KNDC1: variants seen among roughly 807,000 people sequenced by gnomAD.
The protein encoded by KNDC1 is kinase non-catalytic C-lobe domain containing 1.
A neutral mutation model predicts 172.8 loss-of-function variants in KNDC1; 106 were observed. The observed-to-expected ratio is 0.61, with a 90% confidence interval of 0.52 to 0.72. The LOEUF (loss-of-function observed/expected upper bound fraction) is 0.72, where lower values mean the gene tolerates loss of function less well. Among genes scored for constraint, KNDC1 ranks in the 30% least tolerant of loss-of-function variants. The pLI, the probability that KNDC1 is intolerant of heterozygous loss-of-function variation, is 0.00. For missense variants in KNDC1, 2,325 were observed against 2,394.5 expected, an observed-to-expected ratio of 0.97 and a Z score of 0.61; for synonymous variants, 1,083 against 1,062.2, an observed-to-expected ratio of 1.02 and a Z score of -0.38.
chr10:133,175,878 A>G (rs2135959854), intron 3 of KNDC1, among the ~76,000 whole-genome samples: 1 of 146,302 alleles, frequency 6.8e-6, no homozygotes, highest in Non-Finnish European at 1.5e-5. Flanking sequence ...AAGTGGATGG[A>G]TGGGTGGGTG....
chr10:133,204,118 G>A (rs770407350), intron 17 of KNDC1, among the ~76,000 whole-genome samples: 3 of 152,188 alleles, frequency 2.0e-5, no homozygotes, highest in Non-Finnish European at 2.9e-5. Flanking sequence ...GGGCCCCATG[G>A]TGCAGGCCAT....
chr10:133,191,415 C>G (rs569721977), intron 9 of KNDC1, among the ~76,000 whole-genome samples: 1 of 148,334 alleles, frequency 6.7e-6, no homozygotes, highest in Non-Finnish European at 1.5e-5. Context: ...AATACCCCAA[C>G]AGGGCCGGGT....
At chr10:133,176,811 G>A (rs1354558428) in intron 3 of KNDC1, among the ~76,000 whole-genome samples, 2 of 152,220 alleles carry the variant, frequency 1.3e-5, no homozygotes, top group African/African-American at 4.8e-5. Context: ...CATCTAGGCT[G>A]AGGGAGGTGC....
chr10:133,222,013 GGCTCACGC>G (rs1845602837), intron 29 of KNDC1, among the ~76,000 whole-genome samples: 14 of 147,712 alleles, frequency 9.5e-5, no homozygotes, highest in South Asian at 2.2e-4. Flanking sequence ...CGGGCGCGGT[GGCTCACGC>G]CAGTAACTCT....
chr10:133,211,121 G>A (rs1845353898), intron 21 of KNDC1, among the ~76,000 whole-genome samples: 1 of 152,066 alleles, frequency 6.6e-6, no homozygotes, highest in Non-Finnish European at 1.5e-5. Flanking sequence ...AGCACCTGGT[G>A]TCAGGAGAGG....
At chr10:133,216,622 A>C (rs1845472638) in intron 26 of KNDC1, among the ~76,000 whole-genome samples, 1 of 152,134 alleles carries the variant, frequency 6.6e-6, no homozygotes, top group South Asian at 2.1e-4. Context: ...GGTTGCAGTG[A>C]GCTGAGGTTG....
intron 9 of KNDC1, among the ~76,000 whole-genome samples, chr10:133,192,946 G>A (rs559338152): frequency 6.6e-6 from 1 of 152,198 alleles, no homozygotes; most frequent in South Asian, 2.1e-4. Flanking sequence ...ATTTCAGAAG[G>A]TGAGAAAACC....
chr10:133,224,951 A>T lies in KNDC1; in HGVS notation c.*61A>T. 7.3e-7 allele frequency: 1 copy of T among 1,372,106 alleles called. No individual in the cohort carries two copies. Among genetic ancestry groups the T allele is most frequent in the Non-Finnish European group, 1.0e-6 (1 of 974,714 alleles). 85.0% of individuals were successfully genotyped at this position (1,372,106 alleles called of 1,614,324 possible). ...ATCCGACTGTGGGGGGCGGGCTGGG[A>T]GGTGGGAGCCGCGTCTCAGGCCCGG... On this transcript the variant is annotated 3_prime_UTR_variant, in exon 30 of 30. Coordinates refer to ENST00000304613, the MANE Select transcript of KNDC1 (RefSeq NM_152643.8). The surrounding 1 kb of genome is among the most constrained non-coding windows in gnomAD (Gnocchi z 5.4).
At position 133,199,049 on chromosome 10, in the gene KNDC1, CG is replaced by C; in HGVS notation, c.2545del (p.Ala849ProfsTer69). ...GCCCGGGCCAGGAGCCAGAGGGCCC[CG>C]GGGCCACCCCTGCCGGGGAACGTGA... ...ERPGQEPEGPGATPAGERDDQ... is the reference protein window; with the variant it reads ...ERPGQEPEGPXATPAGERDDQ... On this transcript the variant is annotated frameshift_variant, in exon 14 of 30. Transcript: ENST00000304613. LOFTEE classifies it high-confidence loss of function. 6.3e-7 allele frequency: 1 copy of C among 1,592,590 alleles called. No individual in the cohort carries two copies. Among genetic ancestry groups the C allele is most frequent in the Non-Finnish European group, 8.5e-7 (1 of 1,170,852 alleles).
chr10:133,201,233 T>C (rs1854354214), intron 16 of KNDC1, among the ~76,000 whole-genome samples: 1 of 151,496 alleles, frequency 6.6e-6, no homozygotes, highest in Admixed American at 6.6e-5. Context: ...CCGGGGCGAG[T>C]ACGAGTTTGG....
chr10:133,211,632 C>A, intron 22 of KNDC1, 47 bp from the exon 23 acceptor site: 1 of 1,593,892 alleles, frequency 6.3e-7, no homozygotes. Context: ...GTGCCGCCCT[C>A]CTCCAGAAGG....
intron 6 of KNDC1, among the ~76,000 whole-genome samples, chr10:133,188,185 G>A (rs564965771): frequency 7.2e-5 from 11 of 152,310 alleles, no homozygotes; most frequent in African/African-American, 2.2e-4. Context: ...CTGGGAACAT[G>A]GGTGTGCACG....
At chr10:133,164,545 C>T (rs919950437) in intron 1 of KNDC1, among the ~76,000 whole-genome samples, 5 of 152,210 alleles carry the variant, frequency 3.3e-5, no homozygotes, top group East Asian at 1.9e-4. Context: ...ATTCACAGCA[C>T]GTCACCTCCT....
Position 133,218,864 on chromosome 10 carries a change from A to G in KNDC1, c.4711A>G (p.Ile1571Val). Residue 1571 changes from isoleucine to valine, a missense_variant, in exon 27 of 30, where the codon ATT becomes GTT. Ile to Val is a conservative substitution (Grantham distance 29, BLOSUM62 3). Coordinates refer to ENST00000304613, the MANE Select transcript of KNDC1 (RefSeq NM_152643.8). ...GAACTTGCTGTCCAAATTTTTGCTG[A>G]TTGCAAAATCTTGCTATGAGCAGAG... The part of the protein sequence containing the change: ...QVNLLSKFLL[I>V]AKSCYEQRNF... 2 of 1,612,940 alleles carry G rather than the reference A, an allele frequency of 1.2e-6. No individual in the cohort carries two copies. Among genetic ancestry groups the G allele is most frequent in the Non-Finnish European group, 1.7e-6 (2 of 1,179,076 alleles).
chr10:133,179,654 T>G (rs183734249), intron 3 of KNDC1, among the ~76,000 whole-genome samples: 6 of 152,294 alleles, frequency 3.9e-5, no homozygotes, highest in Admixed American at 3.9e-4. Flanking sequence ...TGGGGAAGTT[T>G]TCACGTCCAC....
At chr10:133,197,532 T>A (rs902664499) in intron 11 of KNDC1, 143 bp from the exon 12 acceptor site, 25 of 711,046 alleles carry the variant, frequency 3.5e-5, no homozygotes, top group Middle Eastern at 7.4e-4. Context: ...CTGCAGAGCT[T>A]GGGCCGTGTG....
At position 133,208,398 on chromosome 10, in the gene KNDC1, G is replaced by GC. The variant is rs552348587; in HGVS notation, c.3794+1053dup. Among the ~76,000 whole-genome samples the GC allele has an allele frequency of 2.0e-4, 2 of 10,098 alleles. 1 individual carries two copies. The highest frequency in any genetic ancestry group is 3.8e-4 in the Non-Finnish European group (2 of 5,222). 6.6% of individuals were successfully genotyped at this position (10,098 alleles called of 152,430 possible). The stretch of plus-strand genomic sequence containing the variant: ...CAAGGACCCTCTAGAGAGGGACGTG[G>GC]CCCCCCAACCCCGTTACCCCAAGGA... On this transcript the variant is annotated intron_variant, in intron 20 of 29. Transcript: ENST00000304613.
At chr10:133,177,389 ATGGTGTG>A (rs1325615386) in intron 3 of KNDC1, among the ~76,000 whole-genome samples, 1 of 152,088 alleles carries the variant, frequency 6.6e-6, no homozygotes, top group East Asian at 1.9e-4. Flanking sequence ...CGTATGCAGT[ATGGTGTG>A]TGGTGTGTTT....
rs781476323 is a variant in KNDC1, at chr10:133,207,239, G to A, written c.3682G>A (p.Glu1228Lys). ...CACGCTGGACTTCAGCCCCCTGGAC[G>A]AGTCCTCCTCGCTCATCTTCTACAA... ...CDTLDFSPLD[E>K]SSSLIFYNVN... Residue 1228 changes from glutamate to lysine, a missense_variant, in exon 20 of 30, where the codon GAG (glutamate) becomes AAG (lysine). Coordinates refer to ENST00000304613, the MANE Select transcript of KNDC1 (RefSeq NM_152643.8). 5 of 1,612,974 alleles carry A rather than the reference G, an allele frequency of 3.1e-6. No homozygotes were observed. Among genetic ancestry groups the A allele is most frequent in the East Asian group, 2.2e-5 (1 of 44,872 alleles).
Sources: allele counts gnomAD v4.1 joint callset (sites outside exome capture counted in the v4.1 genomes callset), GRCh38; gene constraint gnomAD v4.1.1; non-coding constraint Gnocchi (gnomAD v3.1); transcripts MANE v1.5; gene names NCBI Gene and HGNC (gene_info 2026-07-23, HGNC 2026-07-21).